The following PSIP1 variants were observed in gnomAD, a reference collection of about 807,000 sequenced individuals.
PSIP1 encodes PC4 and SRSF1 interacting protein 1.
A neutral mutation model predicts 74.7 loss-of-function variants in PSIP1; 19 were observed. The ratio of observed to expected loss-of-function variants is 0.25; its 90% CI spans 0.18 to 0.37. The LOEUF is 0.37. PSIP1 is among the 10% of genes least tolerant of loss of function. The probability of loss-of-function intolerance (pLI) is 1.00; values close to 1 mark genes in which losing one functional copy is unlikely to be tolerated. For synonymous variants in PSIP1, 222 were observed against 195.3 expected (o/e 1.14, Z -1.14); for missense variants, 601 against 614.3 (o/e 0.98, Z 0.23).
intron 3 of PSIP1, among the ~76,000 whole-genome samples, chr9:15,495,370 G>C (rs909415207): frequency 3.3e-5 from 5 of 152,000 alleles, no homozygotes; most frequent in African/African-American, 7.2e-5. Flanking sequence ...GACCATGCAA[G>C]GCAATCTTAA....
In PSIP1 at chr9:15,464,871, T is replaced by C. The variant is rs926159421; in HGVS notation, c.*649A>G. 1.9e-5 allele frequency: 4 copies of C among 210,844 alleles called. No individual in the cohort carries two copies. Among genetic ancestry groups the C allele is most frequent in the Admixed American group, 5.9e-5 (1 of 17,028 alleles). 13.1% of individuals were successfully genotyped at this position (210,844 alleles called of 1,614,324 possible). On this transcript the variant is annotated 3_prime_UTR_variant, in exon 16 of 16. Coordinates refer to ENST00000380733, the MANE Select transcript of PSIP1 (RefSeq NM_033222.5). ...AAACTAAATTACCTTCAAAAATTAA[T>C]GTTTTATAGTTTGTAGAATTCTCAG...
At position 15,510,344 on chromosome 9, in the gene PSIP1, G is replaced by T. The variant is rs968507814; in HGVS notation, c.-141-15C>A. The stretch of plus-strand genomic sequence containing the variant: ...CGACGCGCCTGCTAGGGAGAGCACC[G>T]AGGGCGGTTAAAGCGAAGAACCCCG... On this transcript the variant is annotated splice_polypyrimidine_tract_variant and intron_variant, in intron 1 of 15. Coordinates refer to ENST00000380733, the MANE Select transcript of PSIP1 (RefSeq NM_033222.5). The T allele has an allele frequency of 2.2e-6, 1 of 447,738 alleles. No individual in the cohort carries two copies. Among genetic ancestry groups the T allele is most frequent in the Non-Finnish European group, 3.8e-6 (1 of 262,396 alleles). 27.7% of individuals were successfully genotyped at this position (447,738 alleles called of 1,614,324 possible). A position where few individuals can be genotyped will look rare whatever the true frequency, so the allele number is the denominator to read the frequency against.
At chr9:15,483,497 T>A (rs1412165606) in intron 6 of PSIP1, among the ~76,000 whole-genome samples, 1 of 152,176 alleles carries the variant, frequency 6.6e-6, no homozygotes, top group Non-Finnish European at 1.5e-5. Flanking sequence ...AGAAAGGCCT[T>A]TTGTAGCCTA....
intron 3 of PSIP1, among the ~76,000 whole-genome samples, chr9:15,491,559 T>C (rs1486613490): frequency 6.6e-6 from 1 of 152,020 alleles, no homozygotes; most frequent in Non-Finnish European, 1.5e-5. Context: ...TGTGTGTACA[T>C]ATATACACAG....
Position 15,473,903 on chromosome 9 carries a change from AC to A in PSIP1, c.858+105del, listed in dbSNP as rs1429315993. The A allele has an allele frequency of 9.1e-4, 776 of 849,202 alleles. 6 individuals carry two copies. The African/African-American group carries it at 0.014, about 15-fold the overall frequency. 52.6% of individuals were successfully genotyped at this position (849,202 alleles called of 1,614,324 possible). ...GCAACACAGCGAGACTCCATCTCAA[AC>A]AAAAAAAAAACAAAAAAAAAAACAA... On this transcript the variant is annotated intron_variant, in intron 9 of 15. Transcript: ENST00000380733.
intron 3 of PSIP1, among the ~76,000 whole-genome samples, chr9:15,497,586 A>G (rs2037142551): frequency 6.6e-6 from 1 of 151,982 alleles, no homozygotes; most frequent in Admixed American, 6.5e-5. Flanking sequence ...CGGCCTCCCA[A>G]AGTGCTGGGA....
At chr9:15,488,256 G>A (rs771249635) in intron 4 of PSIP1, among the ~76,000 whole-genome samples, 1 of 151,930 alleles carries the variant, frequency 6.6e-6, no homozygotes, top group Non-Finnish European at 1.5e-5. Flanking sequence ...TGCTTGACCT[G>A]GGGGGCAGAG....
At chr9:15,469,905 A>C (rs1159530236) in intron 11 of PSIP1, 33 bp downstream of exon 11, 1 of 1,563,038 alleles carries the variant, frequency 6.4e-7, no homozygotes, top group Non-Finnish European at 8.8e-7. Context: ...TCCATGTATA[A>C]TTTTATGTAT....
chr9:15,509,177 A>C (rs2037735525), intron 2 of PSIP1, among the ~76,000 whole-genome samples: 1 of 152,232 alleles, frequency 6.6e-6, no homozygotes, highest in Non-Finnish European at 1.5e-5. Flanking sequence ...TTTTCAAAGG[A>C]CAGTAAATTA....
At chr9:15,485,638 TATATAA>T (rs1185738239) in intron 6 of PSIP1, among the ~76,000 whole-genome samples, 1 of 152,206 alleles carries the variant, frequency 6.6e-6, no homozygotes, top group Non-Finnish European at 1.5e-5. Context: ...GGACAACACT[TATATAA>T]CACTTACTAG....
chr9:15,482,009 T>C (rs548785121), intron 6 of PSIP1, among the ~76,000 whole-genome samples: 1 of 152,316 alleles, frequency 6.6e-6, no homozygotes, highest in East Asian at 1.9e-4. Flanking sequence ...AACTACTGAC[T>C]ACAGATTTAT....
intron 3 of PSIP1, among the ~76,000 whole-genome samples, chr9:15,497,508 G>A (rs1230855524): frequency 6.6e-6 from 1 of 151,936 alleles, no homozygotes; most frequent in African/African-American, 2.4e-5. Context: ...TATATTTTTA[G>A]TAGAGATGGG....
At position 15,500,897 on chromosome 9, in the gene PSIP1, C is replaced by T. The variant is rs182962825; in HGVS notation, c.149+5664G>A. ...ATTAGTCACCAAAACTCAAACTGAG[C>T]TTCATTTCAATTTAATAAATACTAC... On this transcript the variant is annotated intron_variant, in intron 3 of 15. Transcript: ENST00000380733. Among the ~76,000 whole-genome samples the T allele has an allele frequency of 3.3e-5, 5 of 152,294 alleles. No individual in the cohort carries two copies. The East Asian group carries it at 7.7e-4, about 23-fold the overall frequency.
intron 3 of PSIP1, among the ~76,000 whole-genome samples, chr9:15,500,193 G>A (rs192485247): frequency 1.3e-5 from 2 of 152,258 alleles, no homozygotes; most frequent in Admixed American, 6.5e-5. Context: ...AGGGCTGGGC[G>A]TGGTGGCTCA....
At chr9:15,500,388 C>T (rs1036109635) in intron 3 of PSIP1, among the ~76,000 whole-genome samples, 10 of 152,064 alleles carry the variant, frequency 6.6e-5, no homozygotes, top group African/African-American at 2.2e-4. Context: ...TGACATGAAC[C>T]CAGGAGGCAG....
chr9:15,481,690 A>C (rs1273117854), intron 6 of PSIP1, among the ~76,000 whole-genome samples: 2 of 152,130 alleles, frequency 1.3e-5, no homozygotes, highest in African/African-American at 4.8e-5. Flanking sequence ...TCTCAAAAAA[A>C]ACAAAGAATT....
chr9:15,471,839 GT>G, intron 10 of PSIP1: 8 of 964,832 alleles, frequency 8.3e-6, no homozygotes, highest in Non-Finnish European at 9.9e-6. Flanking sequence ...CCTAGAGCAT[GT>G]TTTAAAAATC....
At chr9:15,506,755 A>G (rs1481530515) in intron 2 of PSIP1, 118 bp from the exon 3 acceptor site, 5 of 703,398 alleles carry the variant, frequency 7.1e-6, no homozygotes, top group Non-Finnish European at 1.1e-5. Flanking sequence ...CCAGTTCTGC[A>G]GGCCCATAAT....
chr9:15,486,495 T>C (rs191953023), intron 5 of PSIP1, among the ~76,000 whole-genome samples: 2 of 152,162 alleles, frequency 1.3e-5, no homozygotes, highest in Non-Finnish European at 2.9e-5. Flanking sequence ...ACCTAGGTTT[T>C]AAAAAATTTA....
Sources: allele counts gnomAD v4.1 joint callset (sites outside exome capture counted in the v4.1 genomes callset), GRCh38; gene constraint gnomAD v4.1.1; transcripts MANE v1.5; gene names NCBI Gene and HGNC (gene_info 2026-07-23, HGNC 2026-07-21).